UPP2: variants seen among roughly 807,000 people sequenced by gnomAD.
UPP2 encodes uridine phosphorylase 2, also known as UPase 2.
In UPP2, 23 loss-of-function variants were observed where a neutral mutation model predicts 26.7. The ratio of observed to expected loss-of-function variants is 0.86; its 90% CI spans 0.62 to 1.22. The LOEUF (loss-of-function observed/expected upper bound fraction) is 1.22. UPP2 is among the 50% of genes most tolerant of loss of function. UPP2 has a pLI of 0.00. For synonymous variants in UPP2, 127 were observed against 141.3 expected (o/e 0.90, Z 0.72); for missense variants, 387 against 396.7 (o/e 0.98, Z 0.21).
chr2:158,101,646 T>C (rs1357018020), upstream of UPP2, among the ~76,000 whole-genome samples: 1 of 152,202 alleles, frequency 6.6e-6, no homozygotes, highest in Non-Finnish European at 1.5e-5. Context: ...AGGACTCGTA[T>C]CCATATACAG....
At chr2:158,098,426 G>T (rs1194511267), upstream of UPP2, among the ~76,000 whole-genome samples, 1 of 152,104 alleles carries the variant, frequency 6.6e-6, no homozygotes, top group Non-Finnish European at 1.5e-5. Context: ...ATGGTGAGGG[G>T]GAGGGCCAGC....
At chr2:158,085,662 T>C (rs1682803147) in intron 3 of UPP2, among the ~76,000 whole-genome samples, 1 of 152,258 alleles carries the variant, frequency 6.6e-6, no homozygotes, top group South Asian at 2.1e-4. Flanking sequence ...TTTTATTACA[T>C]TGAGGTATAT....
intron 3 of UPP2, among the ~76,000 whole-genome samples, chr2:158,023,231 G>GGGGT (rs1467630243): frequency 3.2e-5 from 1 of 31,358 alleles, no homozygotes. Context: ...GCTGTCAGTT[G>GGGGT]GGGGGGGGCA....
In UPP2 at chr2:158,010,902, A is replaced by T. The variant is rs190883460; in HGVS notation, c.62-4899A>T. Among the ~76,000 whole-genome samples the T allele has an allele frequency of 4.2e-4, 64 of 151,648 alleles. No homozygotes were observed. In the East Asian group the frequency reaches 0.012, roughly 29 times the overall value. ...TGCCTTAGCCTCCCTAGTAGCTGGG[A>T]CTACAGGTGCACGCCTCCATGCCCA... On this transcript the variant is annotated intron_variant, in intron 2 of 9. Coordinates refer to the UPP2 transcript ENST00000605860.
rs559883361 is a variant in UPP2 at position 158,079,741 on chromosome 2, G to C, written c.148-22299G>C. On this transcript the variant is annotated intron_variant, in intron 3 of 9. Coordinates refer to the UPP2 transcript ENST00000605860. ...GTTTCTGCTCTCCAACAATGAGTGT[G>C]TTTCTGGCAGAGTAATGTTGAATGA... is the stretch of plus-strand genomic sequence containing the variant. Among the ~76,000 whole-genome samples the C allele has an allele frequency of 7.1e-4, 108 of 152,204 alleles. 1 individual carries two copies. Among genetic ancestry groups the C allele is most frequent in the African/African-American group, 2.4e-3 (100 of 41,528 alleles).
chr2:158,038,086 A>G (rs571259247), intron 3 of UPP2, among the ~76,000 whole-genome samples: 10 of 152,356 alleles, frequency 6.6e-5, no homozygotes, highest in African/African-American at 2.4e-4. Flanking sequence ...CGCCTAAAAG[A>G]CAAAGGCTCT....
At chr2:158,103,010 CTA>C (rs1465687715) in intron 1 of UPP2, among the ~76,000 whole-genome samples, 5 of 152,164 alleles carry the variant, frequency 3.3e-5, no homozygotes, top group African/African-American at 7.2e-5. Context: ...AAAGACTATT[CTA>C]TGTGTTAGGA....
intron 3 of UPP2, among the ~76,000 whole-genome samples, chr2:158,033,550 CT>C: frequency 6.6e-6 from 1 of 152,274 alleles, no homozygotes; most frequent in Non-Finnish European, 1.5e-5. Context: ...CTCCTCTTTC[CT>C]GGGAAGAAGG....
At position 158,108,606 on chromosome 2, in the gene UPP2, GAC is replaced by G. The variant is rs140302298; in HGVS notation, c.180+2402_180+2403del. ...TCTCTCTCACACACGCACACACACA[GAC>G]ACACACACACATACGCACACACACA... On this transcript the variant is annotated intron_variant, in intron 2 of 6. Transcript: ENST00000005756. 2.8e-5 allele frequency among the ~76,000 whole-genome samples: 4 copies of G among 143,540 alleles called. 1 individual carries two copies. The South Asian group carries it at 6.3e-4, about 23-fold the overall frequency. 94.2% of individuals were successfully genotyped at this position (143,540 alleles called of 152,430 possible). A position where few individuals can be genotyped will look rare whatever the true frequency, so the allele number is the denominator to read the frequency against.
At chr2:158,130,034 C>T (rs1683779798) in intron 6 of UPP2, among the ~76,000 whole-genome samples, 2 of 152,080 alleles carry the variant, frequency 1.3e-5, no homozygotes, top group Non-Finnish European at 2.9e-5. Context: ...AAGCAATCCT[C>T]GTGCCTCACC....
chr2:158,123,959 A>C, intron 6 of UPP2, 64 bp downstream of exon 6: 1 of 1,555,512 alleles, frequency 6.4e-7, no homozygotes, highest in South Asian at 1.2e-5. Context: ...TTTACACCTT[A>C]GGAGAAGAAA....
chr2:158,029,095 A>G (rs1683883471), intron 3 of UPP2, among the ~76,000 whole-genome samples: 1 of 152,236 alleles, frequency 6.6e-6, no homozygotes, highest in Non-Finnish European at 1.5e-5. Context: ...GTCCTTTGGA[A>G]ATAAATTTTG....
chr2:158,080,833 G>A (rs1682713158), intron 3 of UPP2, among the ~76,000 whole-genome samples: 1 of 152,158 alleles, frequency 6.6e-6, no homozygotes, highest in African/African-American at 2.4e-5. Flanking sequence ...GAACATCTCT[G>A]CTCTCTGATC....
At chr2:158,039,111 T>A (rs553793306) in intron 3 of UPP2, among the ~76,000 whole-genome samples, 1 of 152,146 alleles carries the variant, frequency 6.6e-6, no homozygotes, top group Non-Finnish European at 1.5e-5. Context: ...GCAAAAATAT[T>A]TGGGTGCGTG....
At chr2:157,999,298 C>T (rs1210516906) in intron 2 of UPP2, among the ~76,000 whole-genome samples, 1 of 152,114 alleles carries the variant, frequency 6.6e-6, no homozygotes, top group African/African-American at 2.4e-5. Context: ...TCTGCCTCAG[C>T]CTCCCAAGTA....
At chr2:157,995,331 C>A in intron 2 of UPP2, 8 of 1,526,476 alleles carry the variant, frequency 5.2e-6, no homozygotes, top group Non-Finnish European at 7.2e-6. Context: ...AGTCTCAGTA[C>A]AAATTAATTT....
chr2:158,096,478 A>G (rs531197400), intron 3 of UPP2, among the ~76,000 whole-genome samples: 2 of 152,304 alleles, frequency 1.3e-5, no homozygotes, highest in East Asian at 3.9e-4. Context: ...ACAGGCCTGT[A>G]ATCCCAGCTA....
At chr2:158,041,829 C>T (rs6759860) in intron 3 of UPP2, among the ~76,000 whole-genome samples, 1 of 152,012 alleles carries the variant, frequency 6.6e-6, no homozygotes, top group Non-Finnish European at 1.5e-5. Flanking sequence ...CCACCTCCCC[C>T]ACACTGAATA....
chr2:158,002,819 A>G (rs1259048312), intron 2 of UPP2, among the ~76,000 whole-genome samples: 2 of 152,156 alleles, frequency 1.3e-5, no homozygotes, highest in Admixed American at 1.3e-4. Flanking sequence ...CAGCCCCATT[A>G]TTAGCTGGCA....
Sources: gnomAD v4.1 joint callset for allele counts (sites outside exome capture counted in the v4.1 genomes callset) on GRCh38, gnomAD v4.1.1 for gene constraint, MANE v1.5 for transcripts, NCBI Gene and HGNC (gene_info 2026-07-23, HGNC 2026-07-21) for gene names.